ALDH3A1: variants seen among roughly 807,000 people sequenced by gnomAD.
ALDH3A1 encodes the protein aldehyde dehydrogenase, dimeric NADP-preferring.
ALDH3A1 carries 46 observed loss-of-function variants against 49.9 expected under a neutral mutation model. That is an observed-to-expected ratio of 0.92 (90% CI 0.73 to 1.18). The LOEUF is 1.18. Among genes scored for constraint, ALDH3A1 ranks in the 50% most tolerant of loss-of-function variants. The pLI, the probability that ALDH3A1 is intolerant of heterozygous loss-of-function variation, is 0.00. For synonymous variants in ALDH3A1, 269 were observed against 253.3 expected (o/e 1.06, Z -0.59); for missense variants, 592 against 611.8 (o/e 0.97, Z 0.34).
At chr17:19,738,639 C>G in intron 9 of ALDH3A1, 186 bp from the exon 10 acceptor site, 1 of 882,390 alleles carries the variant, frequency 1.1e-6, no homozygotes, top group South Asian at 1.8e-5. Context: ...TGGCCCTTTT[C>G]TGGGCCTCCT....
chr17:19,746,991 A>G (rs571850692), intron 1 of ALDH3A1, among the ~76,000 whole-genome samples: 3 of 152,246 alleles, frequency 2.0e-5, no homozygotes, highest in Admixed American at 1.3e-4. Flanking sequence ...TCCCTGCTCC[A>G]TCAGCTGTCA....
chr17:19,744,919 C>CCCCCCCCCCCCA, intron 2 of ALDH3A1, 49 bp downstream of exon 2: 1 of 1,385,384 alleles, frequency 7.2e-7, no homozygotes, highest in Non-Finnish European at 9.4e-7. Context: ...CCCCACGCCC[C>CCCCCCCCCCCCA]ATCGCATGGC....
intron 6 of ALDH3A1, among the ~76,000 whole-genome samples, chr17:19,740,708 T>TGGTG (rs1046227872): frequency 6.6e-5 from 10 of 152,098 alleles, no homozygotes; most frequent in African/African-American, 2.4e-4. Context: ...TGGAGTGCAG[T>TGGTG]GGTGCAATCA....
chr17:19,742,512 C>T (rs764380687), intron 4 of ALDH3A1, 33 bp downstream of exon 4: 36 of 1,601,486 alleles, frequency 2.2e-5, no homozygotes, highest in Non-Finnish European at 3.0e-5. Context: ...GTTATGAGGC[C>T]ATGGAGTTAC....
intron 1 of ALDH3A1, chr17:19,745,778 G>A (rs2086587904): frequency 6.6e-6 from 1 of 152,208 alleles, no homozygotes; most frequent in East Asian, 1.9e-4. Context: ...GTGGCAAATC[G>A]GGATGGCCCT....
intron 1 of ALDH3A1, 190 bp from the exon 2 acceptor site, chr17:19,745,324 T>A: frequency 1.7e-6 from 1 of 583,046 alleles, no homozygotes; most frequent in Non-Finnish European, 2.8e-6. Flanking sequence ...CCTGGCTGCC[T>A]TGCTAGCCCC....
At position 19,739,601 on chromosome 17, in the gene ALDH3A1, G is replaced by A. The variant is rs760407426; in HGVS notation, c.1023C>T (p.Pro341=). The A allele has an allele frequency of 1.2e-6, 2 of 1,613,884 alleles. No homozygotes were observed. The highest frequency in any genetic ancestry group is 1.3e-5 in the African/African-American group (1 of 74,940). The part of the protein sequence containing the change: ...MQEEIFGPVL[P]IVCVRSLEEA... ...CCTCCAGGCTGCGCACGCACACGAT[G>A]GGCAGCACAGGCCCGAAGATCTCCT... Residue 341 remains proline (P), a synonymous_variant, in exon 8 of 11, where the codon CCC becomes CCT. Transcript: ENST00000225740.
At chr17:19,745,534 G>A in intron 1 of ALDH3A1, 1 of 170,124 alleles carries the variant, frequency 5.9e-6, no homozygotes, top group Non-Finnish European at 1.2e-5. Flanking sequence ...TTGGAGGGGC[G>A]CAGTCCGCGA....
intron 5 of ALDH3A1, 108 bp from the exon 6 acceptor site, chr17:19,741,318 T>G: frequency 1.1e-6 from 1 of 914,964 alleles, no homozygotes; most frequent in Admixed American, 1.9e-5. Flanking sequence ...GCTGTGACCT[T>G]GCCACCAGTG....
chr17:19,743,386 C>T lies in ALDH3A1; in HGVS notation c.240G>A (p.Glu80=), dbSNP rs142682649. ...TCTCCACGGGCTCATCCGCGGCCCA[C>T]TCAGGGAGCTTCTGGATCATGTACT... ...EIEYMIQKLP[E]WAADEPVEKT... is the part of the protein sequence containing the mutation. Residue 80 remains glutamate (E), a synonymous_variant, in exon 3 of 11, where the codon GAG becomes GAA. Transcript: ENST00000225740. The surrounding 1 kb of genome is among the most constrained non-coding windows in gnomAD (Gnocchi z 4.4). 4.2e-5 allele frequency: 68 copies of T among 1,614,026 alleles called. 1 individual carries two copies. Among genetic ancestry groups the T allele is most frequent in the African/African-American group, 1.2e-4 (9 of 74,936 alleles).
intron 1 of ALDH3A1, chr17:19,745,402 G>A (rs73984110): frequency 0.011 from 5,018 of 455,570 alleles, 193 homozygotes; most frequent in African/African-American, 0.085. Flanking sequence ...TTGGCAGCGT[G>A]CTCGCGGCAG....
chr17:19,742,030 C>T lies in ALDH3A1; in HGVS notation c.663G>A (p.Lys221=). 6.2e-7 allele frequency: 1 copy of T among 1,613,940 alleles called. No homozygotes were observed. The highest frequency in any genetic ancestry group is 8.5e-7 in the Non-Finnish European group (1 of 1,180,012). Residue 221 remains lysine, a synonymous_variant, in exon 5 of 11, where the codon AAG becomes AAA. Transcript: ENST00000225740. ...GGCAGGCCACGTCCAGGTCACAGTT[C>T]TTGTCCACGTAGCAGGGACTCTTCC... ...LGGKSPCYVD[K]NCDLDVACRR...
chr17:19,739,819 T>C, intron 7 of ALDH3A1, 145 bp from the exon 8 acceptor site: 1 of 1,027,490 alleles, frequency 9.7e-7, no homozygotes, highest in Non-Finnish European at 1.4e-6. Flanking sequence ...CTCAGAGAGG[T>C]ACCCTAGGCA....
In ALDH3A1 at chr17:19,740,343, G is replaced by C; in HGVS notation, c.942C>G (p.Arg314=). The part of the protein sequence containing the change: ...AYGGTGDAAT[R]YIAPTILTDV... ...TCTTCAGGGGTCACGCACCTATGTA[G>C]CGAGTGGCGGCATCCCCGGTGCCCC... The change falls in exon 7 of 11, where the codon CGC becomes CGG. Residue 314 remains arginine, a synonymous_variant. Coordinates refer to ENST00000225740, the MANE Select transcript of ALDH3A1 (RefSeq NM_000691.5). The C allele has an allele frequency of 6.2e-7, 1 of 1,613,920 alleles. No homozygotes were observed. Among genetic ancestry groups the C allele is most frequent in the Non-Finnish European group, 8.5e-7 (1 of 1,179,980 alleles).
chr17:19,745,176 C>G, intron 1 of ALDH3A1, 42 bp from the exon 2 acceptor site: 2 of 1,520,980 alleles, frequency 1.3e-6, no homozygotes, highest in South Asian at 2.5e-5. Context: ...GGGGCACGAG[C>G]GCGCCCTGCC....
intron 8 of ALDH3A1, 54 bp from the exon 9 acceptor site, chr17:19,739,149 C>T (rs2086443196): frequency 9.2e-6 from 14 of 1,520,654 alleles, no homozygotes; most frequent in Admixed American, 3.6e-5. Flanking sequence ...GATGCCCCAG[C>T]CCCCAACCCG....
chr17:19,739,194 A>T, intron 8 of ALDH3A1, 99 bp from the exon 9 acceptor site: 2 of 1,112,484 alleles, frequency 1.8e-6, no homozygotes, highest in African/African-American at 1.5e-5. Flanking sequence ...CCACAAGGAC[A>T]GGAGCAGGTG....
rs971051218 is a variant in ALDH3A1 at position 19,741,317 on chromosome 17, T to C, written c.690-107A>G. The C allele has an allele frequency of 4.4e-5, 41 of 929,728 alleles. No individual in the cohort carries two copies. The South Asian group carries it at 5.4e-4, about 12-fold the overall frequency. 57.6% of individuals were successfully genotyped at this position (929,728 alleles called of 1,614,324 possible). A position where few individuals can be genotyped will look rare whatever the true frequency, so the allele number is the denominator to read the frequency against. On this transcript the variant is annotated intron_variant, in intron 5 of 10. Coordinates refer to ENST00000225740, the MANE Select transcript of ALDH3A1 (RefSeq NM_000691.5). ...TCAGCAGAAGCCATCGGCTGTGACCTTGCCACCAGTGAGTCCTCCCAAGCG... is the reference window on the plus strand; with the variant it reads ...TCAGCAGAAGCCATCGGCTGTGACCCTGCCACCAGTGAGTCCTCCCAAGCG...
At chr17:19,742,248 A>G (rs769769129) in intron 4 of ALDH3A1, 36 bp from the exon 5 acceptor site, 17 of 1,580,806 alleles carry the variant, frequency 1.1e-5, no homozygotes, top group Non-Finnish European at 1.4e-5. Context: ...CTCAGCAAAG[A>G]CCAAGCCCCT....
Sources: allele counts gnomAD v4.1 joint callset (sites outside exome capture counted in the v4.1 genomes callset), GRCh38; gene constraint gnomAD v4.1.1; non-coding constraint Gnocchi (gnomAD v3.1); transcripts MANE v1.5; gene names NCBI Gene and HGNC (gene_info 2026-07-23, HGNC 2026-07-21).